The following DGKD variants were observed in gnomAD, a reference collection of about 807,000 sequenced individuals.
The protein encoded by DGKD is DAG kinase delta.
In DGKD, 68 loss-of-function variants were observed where a neutral mutation model predicts 154.4. The ratio of observed to expected loss-of-function variants is 0.44; its 90% CI spans 0.36 to 0.54. The LOEUF is 0.54. Ranked by LOEUF, DGKD falls within the 20% of genes least tolerant of loss-of-function variation. The pLI, the probability that DGKD is intolerant of heterozygous loss-of-function variation, is 0.00. For missense variants in DGKD, 1,343 were observed against 1,593.6 expected, an observed-to-expected ratio of 0.84 and a Z score of 2.68; for synonymous variants, 693 against 638.0, an observed-to-expected ratio of 1.09 and a Z score of -1.30.
rs957027159 is a variant in DGKD, at chr2:233,440,779, G to T, written c.1086-1108G>T. 2.6e-5 allele frequency among the ~76,000 whole-genome samples: 4 copies of T among 152,184 alleles called. No homozygotes were observed. Among genetic ancestry groups the T allele is most frequent in the Middle Eastern group, 3.2e-3 (1 of 316 alleles). On this transcript the variant is annotated intron_variant, in intron 9 of 29. Transcript: ENST00000264057. This position sits in a 1 kb window ranked among gnomAD's most constrained non-coding sequence, Gnocchi z 4.9. ...TAAAGCAAGGCCCGTGGCCAGGCTC[G>T]TGTTTTAGAAAGGTCTTCCTGGAAC...
intron 9 of DGKD, among the ~76,000 whole-genome samples, chr2:233,439,302 G>A (rs2062812488): frequency 6.6e-6 from 1 of 152,188 alleles, no homozygotes; most frequent in Non-Finnish European, 1.5e-5. Flanking sequence ...CTACTCTGAT[G>A]TGAACCTCGG....
chr2:233,450,332 T>C (rs1280128219), intron 16 of DGKD, among the ~76,000 whole-genome samples: 1 of 152,052 alleles, frequency 6.6e-6, no homozygotes, highest in African/African-American at 2.4e-5. Flanking sequence ...TCTGTCTTGG[T>C]GGACAGCAGT....
intron 3 of DGKD, among the ~76,000 whole-genome samples, chr2:233,393,107 C>T (rs1211742733): frequency 6.6e-6 from 1 of 152,104 alleles, no homozygotes; most frequent in Non-Finnish European, 1.5e-5. Flanking sequence ...TCACTGCAAC[C>T]TCCACCTCCT....
intron 3 of DGKD, among the ~76,000 whole-genome samples, chr2:233,411,570 G>A (rs1398689940): frequency 6.6e-6 from 1 of 152,062 alleles, no homozygotes; most frequent in Non-Finnish European, 1.5e-5. Context: ...ATGTATTTTG[G>A]ATGTAAGTCC....
chr2:233,419,461 G>A, intron 3 of DGKD: 1 of 984,954 alleles, frequency 1.0e-6, no homozygotes, highest in Non-Finnish European at 1.2e-6. Flanking sequence ...ATACTGGGAG[G>A]CTGTTGGGTG....
chr2:233,429,037 GCT>G (rs775538236), intron 3 of DGKD: 36 of 778,030 alleles, frequency 4.6e-5, no homozygotes, highest in Non-Finnish European at 5.6e-5. Flanking sequence ...TAAACCTAAT[GCT>G]TTTGTCTATA....
At chr2:233,456,189 C>T (rs529327674) in intron 19 of DGKD, among the ~76,000 whole-genome samples, 2 of 152,224 alleles carry the variant, frequency 1.3e-5, no homozygotes, top group South Asian at 2.1e-4. Flanking sequence ...TGTTGGTTGA[C>T]GTAGGTACGA....
intron 3 of DGKD, among the ~76,000 whole-genome samples, chr2:233,394,799 C>T (rs1296040104): frequency 1.4e-5 from 2 of 140,634 alleles, no homozygotes; most frequent in African/African-American, 5.2e-5. Flanking sequence ...CCTCAAACTC[C>T]TGGTCTCAAG....
chr2:233,438,342 C>T lies in DGKD; in HGVS notation c.1048C>T (p.Gln350Ter). 3.1e-6 allele frequency: 5 copies of T among 1,614,154 alleles called. No homozygotes were observed. The highest frequency in any genetic ancestry group is 4.2e-6 in the Non-Finnish European group (5 of 1,180,002). ...ATTCAAACAGCTACTAAACCCCGCCCAGGTCTTCGACCTCATGAACGGAGG... is the reference window on the plus strand; with the variant it reads ...ATTCAAACAGCTACTAAACCCCGCCTAGGTCTTCGACCTCATGAACGGAGG... ...RRFKQLLNPA[Q>*]VFDLMNGGPH... Residue 350 changes from glutamine (Q) to a stop codon, truncating the protein, a stop_gained, in exon 9 of 30, where the codon CAG (glutamine) becomes TAG (stop). Coordinates refer to ENST00000264057, the MANE Select transcript of DGKD (RefSeq NM_152879.3). LOFTEE classifies it high-confidence loss of function. This position sits in a 1 kb window ranked among gnomAD's most constrained non-coding sequence, Gnocchi z 4.1.
At position 233,457,851 on chromosome 2, in the gene DGKD, G is replaced by A. The variant is rs551317274; in HGVS notation, c.2581-433G>A. ...GAGCTGGGGAAGAAGTTTGGAATTTGTGTTAAGAACTGTGGGAAGGTGTTG... is the reference window on the plus strand; with the variant it reads ...GAGCTGGGGAAGAAGTTTGGAATTTATGTTAAGAACTGTGGGAAGGTGTTG... On this transcript the variant is annotated intron_variant, in intron 21 of 29. Coordinates refer to ENST00000264057, the MANE Select transcript of DGKD (RefSeq NM_152879.3). This position sits in a 1 kb window ranked among gnomAD's most constrained non-coding sequence, Gnocchi z 5.5. 17 of 337,546 alleles carry A rather than the reference G, an allele frequency of 5.0e-5. No individual in the cohort carries two copies. In the East Asian group the frequency reaches 1.2e-3, roughly 24 times the overall value. The allele number at this position is 337,546 out of a possible 1,614,324, so 20.9% of individuals were successfully genotyped here. A position where few individuals can be genotyped will look rare whatever the true frequency, so the allele number is the denominator to read the frequency against.
intron 1 of DGKD, among the ~76,000 whole-genome samples, chr2:233,383,884 T>C (rs955835510): frequency 2.0e-5 from 3 of 152,134 alleles, no homozygotes; most frequent in Non-Finnish European, 4.4e-5. Flanking sequence ...GATGATAGCA[T>C]TGAGGGAACG....
At chr2:233,376,918 C>G (rs765364775) in intron 1 of DGKD, among the ~76,000 whole-genome samples, 1 of 152,100 alleles carries the variant, frequency 6.6e-6, no homozygotes, top group Non-Finnish European at 1.5e-5. Context: ...CTCATCTACC[C>G]TGTTCCCTTT....
intron 24 of DGKD, among the ~76,000 whole-genome samples, chr2:233,460,906 C>A (rs1315641866): frequency 6.6e-6 from 1 of 151,578 alleles, no homozygotes; most frequent in Non-Finnish European, 1.5e-5. Context: ...ACAAACAAAA[C>A]AAAACAAAAA....
intron 11 of DGKD, 111 bp from the exon 12 acceptor site, chr2:233,446,601 T>G (rs1335475453): frequency 7.2e-6 from 8 of 1,113,130 alleles, no homozygotes; most frequent in Admixed American, 2.2e-5. Flanking sequence ...AAAAATGAAG[T>G]CAGAAACGGT....
rs2063322138 is a variant in DGKD, at chr2:233,452,361, T to G, written c.2264+301T>G. On this transcript the variant is annotated intron_variant, in intron 18 of 29. Coordinates refer to ENST00000264057, the MANE Select transcript of DGKD (RefSeq NM_152879.3). This position sits in a 1 kb window ranked among gnomAD's most constrained non-coding sequence, Gnocchi z 4.0. Reference sequence around the variant, plus strand: ...GGCTTTTCACAGGCTCAGCTACTCCTGCCAGGAGCTGCCCTTGTGCTGCTC... The same window carrying G: ...GGCTTTTCACAGGCTCAGCTACTCCGGCCAGGAGCTGCCCTTGTGCTGCTC... 6.6e-6 allele frequency among the ~76,000 whole-genome samples: 1 copy of G among 152,238 alleles called. No homozygotes were observed. The highest frequency in any genetic ancestry group is 1.9e-4 in the East Asian group (1 of 5,194).
At chr2:233,360,462 C>T (rs969912118) in intron 1 of DGKD, among the ~76,000 whole-genome samples, 3 of 152,018 alleles carry the variant, frequency 2.0e-5, no homozygotes, top group Admixed American at 1.3e-4. Flanking sequence ...ACTATGTTGC[C>T]CATGCTTGGG....
At chr2:233,388,093 C>T in intron 1 of DGKD, 164 bp from the exon 2 acceptor site, 1 of 1,443,032 alleles carries the variant, frequency 6.9e-7, no homozygotes, top group South Asian at 1.5e-5. Context: ...ATGCCCCCGG[C>T]AGCGTGCTGG....
chr2:233,372,187 AT>A (rs1198964270), intron 1 of DGKD, among the ~76,000 whole-genome samples: 2 of 151,936 alleles, frequency 1.3e-5, no homozygotes, highest in African/African-American at 4.8e-5. Flanking sequence ...CACCTGGGTA[AT>A]TTTTGTATTT....
At chr2:233,433,358 T>C (rs2062590657) in intron 3 of DGKD, among the ~76,000 whole-genome samples, 1 of 152,066 alleles carries the variant, frequency 6.6e-6, no homozygotes, top group Admixed American at 6.6e-5. Context: ...AAACTTCACA[T>C]GTTCTTATTT....
Sources: gnomAD v4.1 joint callset for allele counts (sites outside exome capture counted in the v4.1 genomes callset) on GRCh38, gnomAD v4.1.1 for gene constraint, Gnocchi (gnomAD v3.1) non-coding constraint, MANE v1.5 for transcripts, NCBI Gene and HGNC (gene_info 2026-07-23, HGNC 2026-07-21) for gene names.